EML4: variants seen among roughly 807,000 people sequenced by gnomAD.
The protein encoded by EML4 is echinoderm microtubule-associated protein-like 4.
EML4 carries 72 observed loss-of-function variants against 129.0 expected under a neutral mutation model. That is an observed-to-expected ratio of 0.56 (90% CI 0.46 to 0.68). EML4 has a LOEUF of 0.68. Ranked by LOEUF, EML4 falls within the 30% of genes least tolerant of loss-of-function variation. The probability of loss-of-function intolerance (pLI) is 0.00; values close to 1 mark genes in which losing one functional copy is unlikely to be tolerated. For missense variants in EML4, 1,363 were observed against 1,190.6 expected, an observed-to-expected ratio of 1.14 and a Z score of -2.13; for synonymous variants, 532 against 405.0, an observed-to-expected ratio of 1.31 and a Z score of -3.77.
chr2:42,197,432 G>T (rs1160312058), intron 1 of EML4, among the ~76,000 whole-genome samples: 1 of 151,924 alleles, frequency 6.6e-6, no homozygotes, highest in Non-Finnish European at 1.5e-5. Flanking sequence ...ATAGATATAG[G>T]CAATAAAAAT....
intron 4 of EML4, 123 bp from the exon 5 acceptor site, chr2:42,263,055 C>CATTA (rs1665833090): frequency 2.6e-6 from 2 of 766,204 alleles, no homozygotes; most frequent in Non-Finnish European, 4.1e-6. Context: ...TTCAACTAAT[C>CATTA]CTTCTCTTTT....
Position 42,330,038 on chromosome 2 carries a change from G to A in EML4, c.2777G>A (p.Ser926Asn). 2 of 1,613,592 alleles carry A rather than the reference G, an allele frequency of 1.2e-6. No homozygotes were observed. The highest frequency in any genetic ancestry group is 1.7e-6 in the Non-Finnish European group (2 of 1,179,954). ...AGTTCTCCCACACTTCTGGAGAACA[G>A]CCTGGAACAAACTGTGGAGCCAAGT... is the stretch of plus-strand genomic sequence containing the variant. ...ISSSPTLLENSLEQTVEPSED... is the reference protein window; with the variant it reads ...ISSSPTLLENNLEQTVEPSED... The change falls in exon 23 of 23, where the codon AGC (serine) becomes AAC (asparagine). Residue 926 changes from serine to asparagine, a missense_variant. Transcript: ENST00000318522.
chr2:42,195,967 A>G (rs2103930512), intron 1 of EML4, among the ~76,000 whole-genome samples: 1 of 152,338 alleles, frequency 6.6e-6, no homozygotes, highest in South Asian at 2.1e-4. Context: ...AGACAAATAT[A>G]TCTTTGATGA....
At chr2:42,245,887 T>C (rs908668884) in intron 2 of EML4, among the ~76,000 whole-genome samples, 200 bp downstream of exon 2, 1 of 152,192 alleles carries the variant, frequency 6.6e-6, no homozygotes, top group Non-Finnish European at 1.5e-5. Context: ...TGTAATCCAC[T>C]GATTATACTC....
At chr2:42,184,278 C>G (rs907140112) in intron 1 of EML4, among the ~76,000 whole-genome samples, 1 of 151,930 alleles carries the variant, frequency 6.6e-6, no homozygotes, top group Non-Finnish European at 1.5e-5. Context: ...TACATGTGCA[C>G]AACGTGCAGG....
chr2:42,171,814 C>G (rs1201084100), intron 1 of EML4, among the ~76,000 whole-genome samples: 2 of 152,032 alleles, frequency 1.3e-5, no homozygotes, highest in Non-Finnish European at 2.9e-5. Flanking sequence ...TCTTTCTGTC[C>G]CCCTTGCAAG....
rs142725315 is a variant in EML4, at chr2:42,199,599, C to T, written c.25+29963C>T. ...AGAAAGAATAGTTGCCGTTTTGACTCAGCTGGAATGGAAGTGGTGTCGTGT... is the reference window on the plus strand; with the variant it reads ...AGAAAGAATAGTTGCCGTTTTGACTTAGCTGGAATGGAAGTGGTGTCGTGT... On this transcript the variant is annotated intron_variant, in intron 1 of 22. Transcript: ENST00000318522. Among the ~76,000 whole-genome samples, 3 of 152,266 alleles carry T rather than the reference C, an allele frequency of 2.0e-5. No homozygotes were observed. The South Asian group carries it at 6.2e-4, about 32-fold the overall frequency.
At chr2:42,258,861 T>C (rs1293967434) in intron 3 of EML4, among the ~76,000 whole-genome samples, 1 of 152,236 alleles carries the variant, frequency 6.6e-6, no homozygotes. Flanking sequence ...TGTGATAAAT[T>C]GTATATACTA....
At chr2:42,270,716 G>A (rs1007136266) in intron 6 of EML4, among the ~76,000 whole-genome samples, 3 of 152,060 alleles carry the variant, frequency 2.0e-5, no homozygotes, top group African/African-American at 7.2e-5. Context: ...TGAAACAAAT[G>A]AAAAAAGTCA....
intron 6 of EML4, among the ~76,000 whole-genome samples, chr2:42,269,729 A>C (rs1666263767): frequency 6.6e-6 from 1 of 152,366 alleles, no homozygotes; most frequent in African/African-American, 2.4e-5. Flanking sequence ...ATAAGCCTCT[A>C]GGCAGGAACT....
intron 7 of EML4, among the ~76,000 whole-genome samples, chr2:42,281,353 A>G (rs1256287852): frequency 2.0e-5 from 3 of 151,032 alleles, no homozygotes; most frequent in South Asian, 4.2e-4. Flanking sequence ...AGATCACGCC[A>G]TTGGACTCCA....
At chr2:42,287,468 G>C (rs184817195) in intron 10 of EML4, among the ~76,000 whole-genome samples, 30 of 152,166 alleles carry the variant, frequency 2.0e-4, no homozygotes, top group Non-Finnish European at 3.7e-4. Flanking sequence ...TTCCAATTTA[G>C]GCTAAGAGAT....
chr2:42,282,470 C>G (rs1469618066), intron 7 of EML4, among the ~76,000 whole-genome samples: 1 of 152,012 alleles, frequency 6.6e-6, no homozygotes, highest in Admixed American at 6.6e-5. Context: ...CTCACTGTAG[C>G]CTTGACCTGA....
intron 1 of EML4, among the ~76,000 whole-genome samples, chr2:42,242,709 T>TTCCTTTACTTTTCTCTTCTC (rs1675117672): frequency 1.3e-5 from 2 of 151,468 alleles, no homozygotes; most frequent in Admixed American, 1.3e-4. Flanking sequence ...TTTCTTTTCT[T>TTCCTTTACTTTTCTCTTCTC]TCCTTTTCTT....
At chr2:42,288,197 T>C (rs1397373843) in intron 10 of EML4, 30 bp from the exon 11 acceptor site, 2 of 1,009,738 alleles carry the variant, frequency 2.0e-6, no homozygotes, top group Non-Finnish European at 3.0e-6. Flanking sequence ...TCAGTGAATT[T>C]TAAAATGCCT....
intron 2 of EML4, 69 bp from the exon 3 acceptor site, chr2:42,256,432 A>C (rs1676154467): frequency 2.0e-5 from 30 of 1,483,074 alleles, no homozygotes; most frequent in Non-Finnish European, 2.5e-5. Flanking sequence ...AATGGACTTA[A>C]TTTTAAAATT....
At chr2:42,208,125 T>C (rs1440110966) in intron 1 of EML4, 1 of 152,220 alleles carries the variant, frequency 6.6e-6, no homozygotes, top group Non-Finnish European at 1.5e-5. Context: ...CTCATGTTTC[T>C]GCATTTATTC....
intron 2 of EML4, among the ~76,000 whole-genome samples, chr2:42,252,707 C>T (rs919142023): frequency 2.0e-5 from 3 of 152,122 alleles, no homozygotes; most frequent in African/African-American, 7.2e-5. Context: ...TGTTTCTGTT[C>T]CTTTACACAT....
chr2:42,295,344 A>G (rs775646312), intron 12 of EML4, 37 bp from the exon 13 acceptor site: 1 of 1,606,366 alleles, frequency 6.2e-7, no homozygotes, highest in East Asian at 2.2e-5. Context: ...TTGTCATGGC[A>G]AAAAGAAAAC....
Sources: allele counts gnomAD v4.1 joint callset (sites outside exome capture counted in the v4.1 genomes callset), GRCh38; gene constraint gnomAD v4.1.1; transcripts MANE v1.5; gene names NCBI Gene and HGNC (gene_info 2026-07-23, HGNC 2026-07-21).